PROS1: variants seen among roughly 807,000 people sequenced by gnomAD.
The protein encoded by PROS1 is protein S, also known as vitamin K-dependent protein S.
In PROS1, 29 loss-of-function variants were observed where a neutral mutation model predicts 75.9. That is an observed-to-expected ratio of 0.38 (90% confidence interval 0.28 to 0.52). The LOEUF (loss-of-function observed/expected upper bound fraction) is 0.52, where lower values mean the gene tolerates loss of function less well. Ranked by LOEUF, PROS1 falls within the 20% of genes least tolerant of loss-of-function variation. The pLI is 0.83. For missense variants in PROS1, 680 were observed against 810.3 expected (o/e 0.84, Z 1.95); for synonymous variants, 245 against 280.6 (o/e 0.87, Z 1.27).
At chr3:93,931,100 T>G (rs1174583123) in intron 1 of PROS1, among the ~76,000 whole-genome samples, 1 of 152,210 alleles carries the variant, frequency 6.6e-6, no homozygotes, top group Non-Finnish European at 1.5e-5. Context: ...AAGCACGAAT[T>G]AATTATTTCA....
chr3:93,937,674 A>T (rs1294337575), intron 1 of PROS1, among the ~76,000 whole-genome samples: 1 of 152,024 alleles, frequency 6.6e-6, no homozygotes. Flanking sequence ...GCCTGAGTTG[A>T]TTTTTAACCA....
At chr3:93,933,933 C>T (rs1363287968) in intron 1 of PROS1, among the ~76,000 whole-genome samples, 6 of 151,052 alleles carry the variant, frequency 4.0e-5, no homozygotes, top group Non-Finnish European at 8.8e-5. Context: ...CACTTGAACC[C>T]AGGAGGCGGA....
At chr3:93,959,179 G>A (rs543790166) in intron 1 of PROS1, among the ~76,000 whole-genome samples, 1 of 152,184 alleles carries the variant, frequency 6.6e-6, no homozygotes, top group Non-Finnish European at 1.5e-5. Context: ...GCTGGGCATG[G>A]TAGCTCAAGC....
intron 1 of PROS1, among the ~76,000 whole-genome samples, chr3:93,952,296 C>T (rs1046055782): frequency 8.5e-5 from 13 of 152,222 alleles, no homozygotes; most frequent in Non-Finnish European, 1.2e-4. Context: ...CACCACATCA[C>T]ACTTATTCCA....
At chr3:93,969,998 A>G (rs1179854001) in intron 1 of PROS1, among the ~76,000 whole-genome samples, 1 of 152,210 alleles carries the variant, frequency 6.6e-6, no homozygotes, top group African/African-American at 2.4e-5. Context: ...ATTACTGTAT[A>G]TTAGAAATTG....
intron 12 of PROS1, among the ~76,000 whole-genome samples, chr3:93,882,147 C>T (rs756321110): frequency 1.3e-5 from 2 of 152,012 alleles, no homozygotes; most frequent in Non-Finnish European, 2.9e-5. Context: ...AAAACTAAAG[C>T]ATACACTTTC....
intron 10 of PROS1, 127 bp downstream of exon 10, chr3:93,892,806 G>A: frequency 1.2e-6 from 1 of 820,436 alleles, no homozygotes; most frequent in Non-Finnish European, 2.1e-6. Flanking sequence ...ACAGTATGTA[G>A]AATATACCTC....
chr3:93,945,777 C>G (rs1217166242), intron 1 of PROS1, among the ~76,000 whole-genome samples: 4 of 152,150 alleles, frequency 2.6e-5, no homozygotes, highest in Non-Finnish European at 4.4e-5. Context: ...CTCACCACTC[C>G]TATTCAAAAT....
intron 1 of PROS1, among the ~76,000 whole-genome samples, chr3:93,943,610 C>A (rs1029153425): frequency 2.6e-5 from 4 of 152,122 alleles, no homozygotes; most frequent in African/African-American, 9.7e-5. Flanking sequence ...TACCACCCCC[C>A]CAAAATTTTT....
chr3:93,901,365 T>C (rs1708590770), intron 6 of PROS1, among the ~76,000 whole-genome samples: 1 of 152,188 alleles, frequency 6.6e-6, no homozygotes, highest in Non-Finnish European at 1.5e-5. Flanking sequence ...AAGTAGACAA[T>C]AGTGATTCAA....
rs773551347 is a variant in PROS1, at chr3:93,927,375, C to A, written c.109G>T (p.Val37Phe). ...AAAGAATTTGCACGACGCTTCCTAA[C>A]CAGGACTTGTGAAGCCTGTTGCTTT... ...LSKQQASQVL[V>F]RKRRANSLLE... is the part of the protein sequence containing the mutation. Residue 37 changes from valine to phenylalanine, a missense_variant, in exon 2 of 15, where the codon GTT becomes TTT. By Grantham distance (50) the Val-to-Phe change is conservative. Coordinates refer to ENST00000394236, the MANE Select transcript of PROS1 (RefSeq NM_000313.4). The A allele has an allele frequency of 1.2e-6, 2 of 1,613,978 alleles. No individual in the cohort carries two copies. The highest frequency in any genetic ancestry group is 1.3e-5 in the African/African-American group (1 of 74,904).
At chr3:93,888,783 A>C (rs1393656190) in intron 10 of PROS1, among the ~76,000 whole-genome samples, 4 of 152,112 alleles carry the variant, frequency 2.6e-5, no homozygotes, top group African/African-American at 9.7e-5. Context: ...TTATACACTC[A>C]TTCTCCACTT....
At chr3:93,958,778 A>G (rs1043991485) in intron 1 of PROS1, 5 of 152,294 alleles carry the variant, frequency 3.3e-5, no homozygotes, top group African/African-American at 1.2e-4. Context: ...TGCCATTCAT[A>G]TAAGATGGGA....
chr3:93,963,436 C>T (rs1020441893), intron 1 of PROS1, among the ~76,000 whole-genome samples: 1 of 152,180 alleles, frequency 6.6e-6, no homozygotes, highest in Non-Finnish European at 1.5e-5. Flanking sequence ...CCCTCAAACC[C>T]CCTCATTGGT....
intron 3 of PROS1, among the ~76,000 whole-genome samples, chr3:93,922,347 C>A (rs1211105247): frequency 6.6e-6 from 1 of 152,070 alleles, no homozygotes; most frequent in Non-Finnish European, 1.5e-5. Context: ...CAGGAAGTTT[C>A]TCTCTCTTTA....
In PROS1 at chr3:93,945,060, A is replaced by T. The variant is rs144507070; in HGVS notation, c.77-17653T>A. 5.8e-4 allele frequency among the ~76,000 whole-genome samples: 89 copies of T among 152,336 alleles called. 1 individual carries two copies. In the East Asian group the frequency reaches 0.015, roughly 25 times the overall value. On this transcript the variant is annotated intron_variant, in intron 1 of 14. Coordinates refer to ENST00000394236, the MANE Select transcript of PROS1 (RefSeq NM_000313.4). The stretch of plus-strand genomic sequence containing the variant: ...ACACCTCTATGCAAATAAAGTAGAA[A>T]ATCTAGAAGAAATGGATAAATTCTG...
intron 1 of PROS1, among the ~76,000 whole-genome samples, chr3:93,939,019 A>G (rs2107221894): frequency 6.7e-6 from 1 of 149,640 alleles, no homozygotes; most frequent in East Asian, 2.0e-4. Flanking sequence ...GCAACCTTCC[A>G]CCCTCTATTC....
intron 1 of PROS1, among the ~76,000 whole-genome samples, chr3:93,946,255 C>T (rs1709395903): frequency 6.6e-6 from 1 of 152,134 alleles, no homozygotes; most frequent in South Asian, 2.1e-4. Context: ...GATTCAATGC[C>T]ATCCCCATCA....
rs746139875 is a variant in PROS1, at chr3:93,928,652, T to A, written c.77-1245A>T. 3 of 734,666 alleles carry A rather than the reference T, an allele frequency of 4.1e-6. No individual in the cohort carries two copies. In the South Asian group the frequency reaches 5.0e-5, roughly 12 times the overall value. The allele number at this position is 734,666 out of a possible 1,614,324, so 45.5% of individuals were successfully genotyped here. On this transcript the variant is annotated intron_variant, in intron 1 of 14. Transcript: ENST00000394236. Reference sequence around the variant, plus strand: ...TGTTGTTGAACAGCAACAATAAAAATAACATAACAAAGTTCAATATCAAGC... The same window carrying A: ...TGTTGTTGAACAGCAACAATAAAAAAAACATAACAAAGTTCAATATCAAGC...
Sources: allele counts gnomAD v4.1 joint callset (sites outside exome capture counted in the v4.1 genomes callset), GRCh38; gene constraint gnomAD v4.1.1; transcripts MANE v1.5; gene names NCBI Gene and HGNC (gene_info 2026-07-23, HGNC 2026-07-21).